CACNA1S: variants seen among roughly 807,000 people sequenced by gnomAD.
CACNA1S encodes the protein calcium voltage-gated channel subunit alpha1 S, also known as voltage-dependent L-type calcium channel subunit alpha-1S.
Under a neutral mutation model 207.4 loss-of-function variants are expected in CACNA1S, and 126 were observed. The ratio of observed to expected loss-of-function variants is 0.61; its 90% CI spans 0.53 to 0.70. The LOEUF is 0.70. CACNA1S is among the 30% of genes least tolerant of loss of function. CACNA1S has a pLI of 0.00. For synonymous variants in CACNA1S, 960 were observed against 932.7 expected (o/e 1.03, Z -0.53); for missense variants, 2,349 against 2,422.8 (o/e 0.97, Z 0.64).
chr1:201,048,981 C>G, intron 35 of CACNA1S, 22 bp downstream of exon 35: 1 of 1,590,262 alleles, frequency 6.3e-7, no homozygotes. Flanking sequence ...TGGGGCCACC[C>G]ATCCCTGGCA....
At chr1:201,106,021 AG>A (rs1250077631) in intron 2 of CACNA1S, among the ~76,000 whole-genome samples, 1 of 152,118 alleles carries the variant, frequency 6.6e-6, no homozygotes. Context: ...CAGTGGACAC[AG>A]GCACCTGTAT....
chr1:201,042,499 C>A (rs905418696), intron 40 of CACNA1S, among the ~76,000 whole-genome samples: 1 of 152,222 alleles, frequency 6.6e-6, no homozygotes, highest in Admixed American at 6.5e-5. Flanking sequence ...CGACAACCCC[C>A]TTCAGGGCAG....
chr1:201,053,714 G>T lies in CACNA1S; in HGVS notation c.3667-127C>A. 1.0e-6 allele frequency: 1 copy of T among 960,084 alleles called. No individual in the cohort carries two copies. Among genetic ancestry groups the T allele is most frequent in the African/African-American group, 1.6e-5 (1 of 62,176 alleles). The allele number at this position is 960,084 out of a possible 1,614,324, so 59.5% of individuals were successfully genotyped here. On this transcript the variant is annotated intron_variant, in intron 29 of 43. Transcript: ENST00000362061. The surrounding 1 kb of genome is among the most constrained non-coding windows in gnomAD (Gnocchi z 5.1). ...TGTGGCATGGAGGAACTCCAGCCCC[G>T]CCTCTGGCCCCTGCTGTCCACTAGT...
At chr1:201,112,126 T>C (rs1330907471) in intron 1 of CACNA1S, 62 bp downstream of exon 1, 3 of 1,536,568 alleles carry the variant, frequency 2.0e-6, no homozygotes, top group East Asian at 4.5e-5. Context: ...TGCTCTGTGA[T>C]CACCCCGAAT....
intron 41 of CACNA1S, among the ~76,000 whole-genome samples, chr1:201,040,914 G>A (rs547760691): frequency 6.6e-6 from 1 of 152,328 alleles, no homozygotes; most frequent in South Asian, 2.1e-4. Flanking sequence ...AACTTTACTG[G>A]CCCTGGTCGC....
Position 201,061,531 on chromosome 1 carries a change from G to A in CACNA1S, c.3054-63C>T, listed in dbSNP as rs1661050431. The A allele has an allele frequency of 4.7e-6, 7 of 1,490,864 alleles. No individual in the cohort carries two copies. In the South Asian group the frequency reaches 8.3e-5, roughly 18 times the overall value. 92.4% of individuals were successfully genotyped at this position (1,490,864 alleles called of 1,614,324 possible). A position where few individuals can be genotyped will look rare whatever the true frequency, so the allele number is the denominator to read the frequency against. On this transcript the variant is annotated intron_variant, in intron 24 of 43. Transcript: ENST00000362061. ...GGTGACAAGGCAGAGAGTCAGGCTGGGAAGGATGGGCTTTATCCCACTGGC... is the reference window on the plus strand; with the variant it reads ...GGTGACAAGGCAGAGAGTCAGGCTGAGAAGGATGGGCTTTATCCCACTGGC...
At chr1:201,072,497 A>G (rs1050866986) in intron 16 of CACNA1S, among the ~76,000 whole-genome samples, 16 of 152,226 alleles carry the variant, frequency 1.1e-4, no homozygotes, top group African/African-American at 3.9e-4. Context: ...GCAGTGAGGC[A>G]CATAGCTGGC....
chr1:201,080,135 G>T (rs984045289), intron 10 of CACNA1S, among the ~76,000 whole-genome samples: 15 of 152,086 alleles, frequency 9.9e-5, no homozygotes, highest in Admixed American at 9.8e-4. Flanking sequence ...CCTCCAATGC[G>T]TCCCAGATTT....
At chr1:201,105,549 A>T (rs1337283243) in intron 2 of CACNA1S, among the ~76,000 whole-genome samples, 4 of 152,270 alleles carry the variant, frequency 2.6e-5, no homozygotes, top group South Asian at 4.1e-4. Context: ...TAATGGGCTG[A>T]TTTCAGAGGC....
At position 201,085,450 on chromosome 1, in the gene CACNA1S, T is replaced by G. The variant is rs761921972; in HGVS notation, c.1136A>C (p.Glu379Ala). 6.2e-7 allele frequency: 1 copy of G among 1,613,344 alleles called. No individual in the cohort carries two copies. The highest frequency in any genetic ancestry group is 8.5e-7 in the Non-Finnish European group (1 of 1,179,938). ...WITQGEVMDV[E>A]DFREGKLSLD... is the part of the protein sequence containing the mutation. ...TGGGCCCAAACCTTCTCTGAAGTCC[T>G]CAACATCCATGACCTCGCCCTGCGT... The change falls in exon 8 of 44, where the codon GAG (glutamate) becomes GCG (alanine). Residue 379 changes from glutamate to alanine, a missense_variant. Physicochemically the swap from Glu to Ala is moderately radical, Grantham distance 107. Coordinates refer to ENST00000362061, the MANE Select transcript of CACNA1S (RefSeq NM_000069.3).
In CACNA1S at chr1:201,059,329, AG is replaced by A. The variant is rs752234366; in HGVS notation, c.3415-31del. ...GGAGGGGACACAGGAGCAGTGGGTC[AG>A]GGGGGCCGGGTTTGCCCACCCTGTA... On this transcript the variant is annotated intron_variant, in intron 26 of 43. Coordinates refer to ENST00000362061, the MANE Select transcript of CACNA1S (RefSeq NM_000069.3). 5.5e-5 allele frequency: 82 copies of A among 1,499,424 alleles called. No homozygotes were observed. In the Admixed American group the frequency reaches 1.2e-3, roughly 22 times the overall value. The allele number at this position is 1,499,424 out of a possible 1,614,324, so 92.9% of individuals were successfully genotyped here.
chr1:201,094,058 C>T lies in CACNA1S; in HGVS notation c.259-37G>A, dbSNP rs375562308. On this transcript the variant is annotated intron_variant, in intron 2 of 43. Transcript: ENST00000362061. ...AACGTGGTCACAGCATGCCTCTGTG[C>T]TCTCTGAGTGCACCCTTGCTCTCTT... 9 of 1,613,490 alleles carry T rather than the reference C, an allele frequency of 5.6e-6. No homozygotes were observed. The African/African-American group carries it at 9.3e-5, about 17-fold the overall frequency.
Position 201,074,173 on chromosome 1 carries a change from C to T in CACNA1S, c.2063+333G>A, listed in dbSNP as rs10800757. Among the ~76,000 whole-genome samples, 66,841 of 139,992 alleles carry T rather than the reference C, an allele frequency of 0.48. 16,140 individuals carry two copies. Among genetic ancestry groups the T allele is most frequent in the East Asian group, 0.96 (4,947 of 5,160 alleles). 91.8% of individuals were successfully genotyped at this position (139,992 alleles called of 152,430 possible). Reference sequence around the variant, plus strand: ...CCTGTTCGATGTAGAACTCCAACCCCGCCCAGAGGCATAGCGACTCAGTGA... The same window carrying T: ...CCTGTTCGATGTAGAACTCCAACCCTGCCCAGAGGCATAGCGACTCAGTGA... On this transcript the variant is annotated intron_variant, in intron 14 of 43. Coordinates refer to ENST00000362061, the MANE Select transcript of CACNA1S (RefSeq NM_000069.3).
At position 201,093,951 on chromosome 1, in the gene CACNA1S, A is replaced by T. The variant is rs1410402931; in HGVS notation, c.329T>A (p.Phe110Tyr). ...EAAMKIIAYG[F>Y]LFHQDAYLRS... ...CAGGTAAGCGTCCTGGTGGAATAAGAAGCCGTAGGCAATGATCTTCATGGC... is the reference window on the plus strand; with the variant it reads ...CAGGTAAGCGTCCTGGTGGAATAAGTAGCCGTAGGCAATGATCTTCATGGC... Residue 110 changes from phenylalanine to tyrosine, a missense_variant, in exon 3 of 44, where the codon TTC becomes TAC. Transcript: ENST00000362061. 3 of 1,614,210 alleles carry T rather than the reference A, an allele frequency of 1.9e-6. No homozygotes were observed. Among genetic ancestry groups the T allele is most frequent in the Non-Finnish European group, 2.5e-6 (3 of 1,180,030 alleles).
chr1:201,083,376 C>T (rs1661914171), intron 9 of CACNA1S, 54 bp from the exon 10 acceptor site: 12 of 1,585,524 alleles, frequency 7.6e-6, no homozygotes, highest in Admixed American at 1.7e-5. Flanking sequence ...TACGCCCCAC[C>T]TGTCCAAGCT....
At chr1:201,092,188 G>A in intron 3 of CACNA1S, 74 bp from the exon 4 acceptor site, 1 of 1,567,286 alleles carries the variant, frequency 6.4e-7, no homozygotes, top group East Asian at 2.2e-5. Flanking sequence ...GAGGCCCTGT[G>A]TCCTGTCCAT....
At chr1:201,067,166 C>T (rs1342198215) in intron 19 of CACNA1S, among the ~76,000 whole-genome samples, 173 bp from the exon 20 acceptor site, 1 of 152,212 alleles carries the variant, frequency 6.6e-6, no homozygotes, top group Non-Finnish European at 1.5e-5. Context: ...TTTCCTATCT[C>T]TGCTCGCAGT....
chr1:201,109,443 A>G (rs1005185471), intron 2 of CACNA1S, among the ~76,000 whole-genome samples: 2 of 152,226 alleles, frequency 1.3e-5, no homozygotes, highest in African/African-American at 4.8e-5. Context: ...AATGTAAAAT[A>G]TTTAGCACAA....
At chr1:201,103,603 G>A (rs1023601412) in intron 2 of CACNA1S, among the ~76,000 whole-genome samples, 2 of 152,124 alleles carry the variant, frequency 1.3e-5, no homozygotes, top group South Asian at 2.1e-4. Context: ...TAAAATCCAG[G>A]CTTTCATTCA....
Sources: gnomAD v4.1 joint callset for allele counts (sites outside exome capture counted in the v4.1 genomes callset) on GRCh38, gnomAD v4.1.1 for gene constraint, Gnocchi (gnomAD v3.1) non-coding constraint, MANE v1.5 for transcripts, NCBI Gene and HGNC (gene_info 2026-07-23, HGNC 2026-07-21) for gene names.